Variants in PON3 observed in about 807,000 individuals in gnomAD.
The protein encoded by PON3 is serum paraoxonase/lactonase 3.
Under a neutral mutation model 36.3 loss-of-function variants are expected in PON3, and 37 were observed. The observed-to-expected ratio is 1.02, with a 90% CI of 0.78 to 1.34. The LOEUF (loss-of-function observed/expected upper bound fraction) is 1.34, where lower values mean the gene tolerates loss of function less well. Ranked by LOEUF, PON3 falls within the 40% of genes most tolerant of loss-of-function variation. The pLI is 0.00. For synonymous variants in PON3, 155 were observed against 154.8 expected, an observed-to-expected ratio of 1.00 and a Z score of -0.01; for missense variants, 415 against 426.5, an observed-to-expected ratio of 0.97 and a Z score of 0.24.
intron 3 of PON3, among the ~76,000 whole-genome samples, chr7:95,385,170 G>A (rs189565479): frequency 1.3e-5 from 2 of 151,824 alleles, no homozygotes; most frequent in Non-Finnish European, 2.9e-5. Context: ...ACTTGGACAC[G>A]GGAAGGGGAA....
chr7:95,386,171 C>CA (rs1452923746), intron 3 of PON3, among the ~76,000 whole-genome samples: 1 of 152,008 alleles, frequency 6.6e-6, no homozygotes, highest in South Asian at 2.1e-4. Flanking sequence ...AAAAACCCTT[C>CA]AAAAAATCAA....
intron 4 of PON3, among the ~76,000 whole-genome samples, chr7:95,367,768 G>A (rs1808731378): frequency 6.6e-6 from 1 of 152,190 alleles, no homozygotes; most frequent in Non-Finnish European, 1.5e-5. Context: ...TGCATAACCT[G>A]TCTAACAGGA....
intron 3 of PON3, among the ~76,000 whole-genome samples, chr7:95,381,100 C>G (rs1189874006): frequency 2.6e-5 from 4 of 152,140 alleles, no homozygotes; most frequent in African/African-American, 9.7e-5. Flanking sequence ...TCCAGCCAAA[C>G]TAAGCTTCAC....
intron 8 of PON3, 57 bp from the exon 9 acceptor site, chr7:95,360,188 T>C (rs1422068373): frequency 1.4e-6 from 2 of 1,448,772 alleles, no homozygotes; most frequent in Non-Finnish European, 1.9e-6. Context: ...TGTTTCATGA[T>C]GTCCTTCCCA....
At position 95,387,221 on chromosome 7, in the gene PON3, G is replaced by A. The variant is rs150580163; in HGVS notation, c.201+2933C>T. Among the ~76,000 whole-genome samples, 945 of 152,236 alleles carry A rather than the reference G, an allele frequency of 6.2e-3. 9 individuals are homozygous for A. Among genetic ancestry groups the A allele is most frequent in the African/African-American group, 0.022 (895 of 41,528 alleles). ...GTCTCTGTCTGCAGATGACATGATT[G>A]TATATTTAGAAAATCCCATCATCTG... On this transcript the variant is annotated intron_variant, in intron 3 of 8. Coordinates refer to ENST00000265627, the MANE Select transcript of PON3 (RefSeq NM_000940.3).
intron 4 of PON3, 54 bp downstream of exon 4, chr7:95,372,119 A>G: frequency 2.6e-6 from 4 of 1,553,982 alleles, no homozygotes; most frequent in Non-Finnish European, 3.6e-6. Flanking sequence ...GGCTGGAGAT[A>G]AATGGTTTCT....
At chr7:95,371,384 A>C (rs2116389427) in intron 4 of PON3, among the ~76,000 whole-genome samples, 1 of 152,250 alleles carries the variant, frequency 6.6e-6, no homozygotes, top group South Asian at 2.1e-4. Flanking sequence ...TCCTTCCCAA[A>C]GTGGTTACAT....
intron 5 of PON3, chr7:95,364,283 C>T: frequency 1.7e-6 from 1 of 573,260 alleles, no homozygotes. Flanking sequence ...TTCTCTTTCA[C>T]AGAAATCAGT....
intron 3 of PON3, chr7:95,377,621 T>C (rs1393912703): frequency 4.8e-6 from 2 of 414,860 alleles, no homozygotes; most frequent in Non-Finnish European, 9.7e-6. Flanking sequence ...CCACTGGTGA[T>C]ACCCAGGCAA....
At chr7:95,390,015 T>C in intron 3 of PON3, 139 bp downstream of exon 3, 1 of 929,586 alleles carries the variant, frequency 1.1e-6, no homozygotes, top group Non-Finnish European at 1.8e-6. Context: ...AAATTCTGTT[T>C]TGGCTTTTTT....
chr7:95,386,146 G>C (rs150265933), intron 3 of PON3, among the ~76,000 whole-genome samples: 46 of 152,260 alleles, frequency 3.0e-4, no homozygotes, highest in Admixed American at 1.5e-3. Context: ...CAGAACTGAA[G>C]GAGATAGATA....
rs1472376598 is a variant in PON3 at position 95,362,504 on chromosome 7, G to T, written c.778-14C>A. 6.2e-7 allele frequency: 1 copy of T among 1,613,354 alleles called. No homozygotes were observed. The highest frequency in any genetic ancestry group is 8.5e-7 in the Non-Finnish European group (1 of 1,179,718). On this transcript the variant is annotated splice_polypyrimidine_tract_variant and intron_variant, in intron 7 of 8. Coordinates refer to ENST00000265627, the MANE Select transcript of PON3 (RefSeq NM_000940.3). ...CAACTGTATCACCTTACAACAAAGA[G>T]GGAGTAGTGAAGACATTGTCTCAAT...
At chr7:95,364,908 A>C (rs1420613579) in intron 5 of PON3, 1 of 152,064 alleles carries the variant, frequency 6.6e-6, no homozygotes, top group East Asian at 1.9e-4. Context: ...TTTGAAAAGA[A>C]AAAAAAAGTG....
intron 3 of PON3, among the ~76,000 whole-genome samples, chr7:95,386,910 A>G (rs1322773171): frequency 6.6e-6 from 1 of 152,212 alleles, no homozygotes; most frequent in Non-Finnish European, 1.5e-5. Flanking sequence ...ATAGATGCAG[A>G]AAAGGCCTTC....
chr7:95,372,454 A>AACT, intron 3 of PON3, 116 bp from the exon 4 acceptor site: 1 of 1,170,796 alleles, frequency 8.5e-7, no homozygotes, highest in Non-Finnish European at 1.2e-6. Context: ...TTTCATTTAG[A>AACT]TTACTGGGCT....
intron 3 of PON3, among the ~76,000 whole-genome samples, chr7:95,383,257 GC>G (rs1562775709): frequency 6.6e-6 from 1 of 152,002 alleles, no homozygotes; most frequent in Non-Finnish European, 1.5e-5. Flanking sequence ...TACTGAATGG[GC>G]AAAAACTGGA....
rs750859754 is a variant in PON3, at chr7:95,363,860, T to C, written c.695+3A>G. ...GGATAGAAAAATACACAAAAGAGCT[T>C]ACTTCTGGTCTGCTGAGACTGTGAT... On this transcript the variant is annotated splice_donor_region_variant and intron_variant, in intron 6 of 8. Coordinates refer to ENST00000265627, the MANE Select transcript of PON3 (RefSeq NM_000940.3). The C allele has an allele frequency of 2.5e-6, 4 of 1,612,406 alleles. No individual in the cohort carries two copies. Among genetic ancestry groups the C allele is most frequent in the Non-Finnish European group, 3.4e-6 (4 of 1,178,506 alleles).
At chr7:95,361,226 T>G (rs1808563437) in intron 8 of PON3, among the ~76,000 whole-genome samples, 1 of 152,134 alleles carries the variant, frequency 6.6e-6, no homozygotes, top group Non-Finnish European at 1.5e-5. Context: ...TTACATTTCT[T>G]GTGTTCTTTT....
At chr7:95,392,825 A>T (rs112321551) in intron 2 of PON3, among the ~76,000 whole-genome samples, 7 of 152,348 alleles carry the variant, frequency 4.6e-5, no homozygotes, top group African/African-American at 1.4e-4. Flanking sequence ...TCTTTACCTT[A>T]GCTGGAACAC....
Sources: allele counts gnomAD v4.1 joint callset (sites outside exome capture counted in the v4.1 genomes callset), GRCh38; gene constraint gnomAD v4.1.1; transcripts MANE v1.5; gene names NCBI Gene and HGNC (gene_info 2026-07-23, HGNC 2026-07-21).